Variants in SEPTIN9 observed in about 807,000 individuals in gnomAD.
The protein encoded by SEPTIN9 is septin-9.
SEPTIN9 carries 13 observed loss-of-function variants against 56.6 expected under a neutral mutation model. The ratio of observed to expected loss-of-function variants is 0.23; its 90% CI spans 0.15 to 0.37. The LOEUF is 0.37. Ranked by LOEUF, SEPTIN9 falls within the 10% of genes least tolerant of loss-of-function variation. The pLI is 1.00. For missense variants in SEPTIN9, 650 were observed against 823.1 expected, an observed-to-expected ratio of 0.79 and a Z score of 2.57; for synonymous variants, 332 against 334.1, an observed-to-expected ratio of 0.99 and a Z score of 0.07.
intron 1 of SEPTIN9, among the ~76,000 whole-genome samples, chr17:77,301,394 TTGTGTGTGTGTGTGTGTGTGTGTGTG>T (rs56947697): frequency 7.0e-6 from 1 of 142,410 alleles, no homozygotes; most frequent in African/African-American, 2.7e-5. Context: ...GGGAATAGAT[TTGTGTGTGTGTGTGTGTGTGTGTGTG>T]TGTGTGTGTG....
chr17:77,448,972 C>T (rs893418946), intron 3 of SEPTIN9, among the ~76,000 whole-genome samples: 3 of 151,938 alleles, frequency 2.0e-5, no homozygotes, highest in Non-Finnish European at 4.4e-5. Flanking sequence ...TTAGTAGAGA[C>T]AGGGTTTTGC....
chr17:77,309,476 A>G (rs2032396210), intron 2 of SEPTIN9, among the ~76,000 whole-genome samples: 1 of 152,072 alleles, frequency 6.6e-6, no homozygotes. Context: ...TCCAGGCAGG[A>G]GTTCATTCCT....
Position 77,405,170 on chromosome 17 carries a change from A to T in SEPTIN9, c.721+2467A>T. ...GGGGATGTCCATGGGGATGTACAAG[A>T]ACATTCTCCTCCAGGGGCAGACACA... On this transcript the variant is annotated intron_variant, in intron 3 of 11. Transcript: ENST00000427177. The surrounding 1 kb of genome is among the most constrained non-coding windows in gnomAD (Gnocchi z 5.8). 1 of 1,512,298 alleles carries T rather than the reference A, an allele frequency of 6.6e-7. No individual in the cohort carries two copies. The highest frequency in any genetic ancestry group is 1.2e-5 in the South Asian group (1 of 83,524). 93.7% of individuals were successfully genotyped at this position (1,512,298 alleles called of 1,614,324 possible).
intron 3 of SEPTIN9, among the ~76,000 whole-genome samples, chr17:77,422,530 G>A (rs2036741941): frequency 1.3e-5 from 2 of 152,102 alleles, no homozygotes; most frequent in Non-Finnish European, 2.9e-5. Context: ...GGAAGCTGGG[G>A]TAAGAGCGGG....
At chr17:77,482,843 C>T in intron 4 of SEPTIN9, 1 of 458,258 alleles carries the variant, frequency 2.2e-6, no homozygotes, top group Non-Finnish European at 3.9e-6. Context: ...GGTCGTCGAT[C>T]AGCACGACCT....
At chr17:77,460,971 T>G (rs1044683329) in intron 3 of SEPTIN9, among the ~76,000 whole-genome samples, 3 of 152,192 alleles carry the variant, frequency 2.0e-5, no homozygotes, top group Non-Finnish European at 4.4e-5. Flanking sequence ...ATTTAGTGAC[T>G]TAGCAGATCC....
At chr17:77,452,610 G>A (rs2038027299) in intron 3 of SEPTIN9, among the ~76,000 whole-genome samples, 1 of 152,144 alleles carries the variant, frequency 6.6e-6, no homozygotes, top group African/African-American at 2.4e-5. Flanking sequence ...CGGGGCTGTG[G>A]AGACAGCACC....
At chr17:77,373,581 C>T (rs1402926945) in intron 2 of SEPTIN9, 11 of 1,541,186 alleles carry the variant, frequency 7.1e-6, no homozygotes, top group Non-Finnish European at 9.6e-6. Flanking sequence ...GCTGCGGCCG[C>T]GGACGTGCTG....
At chr17:77,346,307 T>TTTTTTTTTTA (rs2033894155) in intron 2 of SEPTIN9, among the ~76,000 whole-genome samples, 2 of 135,228 alleles carry the variant, frequency 1.5e-5, no homozygotes, top group Non-Finnish European at 3.1e-5. Context: ...TTTTTTTTTT[T>TTTTTTTTTTA]ACTTCTTTTC....
intron 2 of SEPTIN9, among the ~76,000 whole-genome samples, chr17:77,388,997 C>G (rs995533857): frequency 2.0e-5 from 3 of 151,978 alleles, no homozygotes; most frequent in Non-Finnish European, 2.9e-5. Context: ...AGGCTGGACC[C>G]TCACACCGAT....
intron 1 of SEPTIN9, among the ~76,000 whole-genome samples, chr17:77,289,451 C>T (rs962650133): frequency 2.7e-5 from 4 of 146,112 alleles, no homozygotes; most frequent in Non-Finnish European, 1.5e-5. Flanking sequence ...TCTTGTTGCC[C>T]AGGCTGGAGT....
Position 77,477,713 on chromosome 17 carries a change from C to G in SEPTIN9, c.722-4431C>G, listed in dbSNP as rs559794921. Among the ~76,000 whole-genome samples, 13 of 152,236 alleles carry G rather than the reference C, an allele frequency of 8.5e-5. No individual in the cohort carries two copies. The South Asian group carries it at 2.7e-3, about 32-fold the overall frequency. On this transcript the variant is annotated intron_variant, in intron 3 of 11. Coordinates refer to ENST00000427177, the MANE Select transcript of SEPTIN9 (RefSeq NM_001113491.2). ...CTGTTTGCCAGGCTGGAGAGACTTG[C>G]AAAAAGTCACTTTGAGCCAGAAACC...
At position 77,413,945 on chromosome 17, in the gene SEPTIN9, T is replaced by C. The variant is rs542868245; in HGVS notation, c.721+11242T>C. The stretch of plus-strand genomic sequence containing the variant: ...TGTGCTACACTCAGTATTTTCTTTT[T>C]TTTTTTTTTTTTCCCCTCTCTCTTT... On this transcript the variant is annotated intron_variant, in intron 3 of 11. Transcript: ENST00000427177. Among the ~76,000 whole-genome samples the C allele has an allele frequency of 4.1e-5, 5 of 122,726 alleles. No individual in the cohort carries two copies. The South Asian group carries it at 1.1e-3, about 26-fold the overall frequency. 80.5% of individuals were successfully genotyped at this position (122,726 alleles called of 152,430 possible).
At chr17:77,287,861 GGGAAT>G in intron 1 of SEPTIN9, 4 of 1,025,676 alleles carry the variant, frequency 3.9e-6, no homozygotes, top group Non-Finnish European at 4.7e-6. Flanking sequence ...GAGTGGCGCA[GGGAAT>G]GTAAGATGAT....
chr17:77,388,575 C>T (rs2035420089), intron 2 of SEPTIN9, among the ~76,000 whole-genome samples: 1 of 152,148 alleles, frequency 6.6e-6, no homozygotes, highest in South Asian at 2.1e-4. Context: ...TCATTCAGTG[C>T]CGGTCCTCCA....
At chr17:77,460,210 C>T (rs2038404252) in intron 3 of SEPTIN9, among the ~76,000 whole-genome samples, 1 of 152,170 alleles carries the variant, frequency 6.6e-6, no homozygotes. Context: ...AGTAGAAGCT[C>T]CTTCTCTGTT....
intron 2 of SEPTIN9, among the ~76,000 whole-genome samples, chr17:77,312,595 G>A (rs1041104980): frequency 6.6e-6 from 1 of 152,166 alleles, no homozygotes. Flanking sequence ...GCCACGGCGG[G>A]ATGCTTTCCT....
In SEPTIN9 at chr17:77,420,255, C is replaced by T. The variant is rs575977480; in HGVS notation, c.721+17552C>T. Among the ~76,000 whole-genome samples the T allele has an allele frequency of 3.0e-4, 46 of 152,300 alleles. No individual in the cohort carries two copies. In the South Asian group the frequency reaches 3.9e-3, roughly 13 times the overall value. On this transcript the variant is annotated intron_variant, in intron 3 of 11. Coordinates refer to ENST00000427177, the MANE Select transcript of SEPTIN9 (RefSeq NM_001113491.2). ...GACCTTCTGTTCAGGAAGAGAGAAG[C>T]GGGCCGGACAGCCCGGCTCAGTGAT...
At position 77,435,659 on chromosome 17, in the gene SEPTIN9, G is replaced by T. The variant is rs1315156077; in HGVS notation, c.721+32956G>T. ...CAGAATGAAGCAGCTAGGGGAGGCGGACGCTTTGGCACGAGGGTGGCGTTT... is the reference window on the plus strand; with the variant it reads ...CAGAATGAAGCAGCTAGGGGAGGCGTACGCTTTGGCACGAGGGTGGCGTTT... On this transcript the variant is annotated intron_variant, in intron 3 of 11. Transcript: ENST00000427177. The surrounding 1 kb of genome is among the most constrained non-coding windows in gnomAD (Gnocchi z 4.5). Among the ~76,000 whole-genome samples the T allele has an allele frequency of 6.6e-6, 1 of 152,238 alleles. No homozygotes were observed. The highest frequency in any genetic ancestry group is 1.5e-5 in the Non-Finnish European group (1 of 68,040).
Sources: allele counts gnomAD v4.1 joint callset (sites outside exome capture counted in the v4.1 genomes callset), GRCh38; gene constraint gnomAD v4.1.1; non-coding constraint Gnocchi (gnomAD v3.1); transcripts MANE v1.5; gene names NCBI Gene and HGNC (gene_info 2026-07-23, HGNC 2026-07-21).